The following PDIA3 variants were observed in gnomAD, a reference collection of about 807,000 sequenced individuals.
The protein encoded by PDIA3 is protein disulfide-isomerase A3.
In PDIA3, 16 loss-of-function variants were observed where a neutral mutation model predicts 56.9. The ratio of observed to expected loss-of-function variants is 0.28; its 90% confidence interval spans 0.19 to 0.43. The LOEUF is 0.43. PDIA3 is among the 20% of genes least tolerant of loss of function. The pLI is 1.00. For missense variants in PDIA3, 485 were observed against 621.3 expected (o/e 0.78, Z 2.33); for synonymous variants, 192 against 216.5 (o/e 0.89, Z 0.99).
chr15:43,757,933 A>G (rs2086790280), intron 3 of PDIA3, among the ~76,000 whole-genome samples: 1 of 150,584 alleles, frequency 6.6e-6, no homozygotes, highest in South Asian at 2.1e-4. Context: ...TAGGATGGCT[A>G]CTATTTAAAA....
chr15:43,755,684 C>T (rs1315399759), intron 2 of PDIA3, among the ~76,000 whole-genome samples: 5 of 152,102 alleles, frequency 3.3e-5, no homozygotes, highest in African/African-American at 7.2e-5. Context: ...GAGGCCAAGG[C>T]GGGTGGATCT....
At chr15:43,760,785 C>T (rs1467011085) in intron 3 of PDIA3, among the ~76,000 whole-genome samples, 5 of 151,310 alleles carry the variant, frequency 3.3e-5, no homozygotes, top group Admixed American at 1.3e-4. Flanking sequence ...CCCGCCTCGG[C>T]CTCCCAAAGT....
At chr15:43,748,243 C>T (rs1345245049) in intron 1 of PDIA3, among the ~76,000 whole-genome samples, 1 of 152,190 alleles carries the variant, frequency 6.6e-6, no homozygotes, top group East Asian at 1.9e-4. Context: ...TTTGGGAGGC[C>T]GAGGCAGGCG....
In PDIA3 at chr15:43,765,537, C is replaced by G. The variant is rs200333214; in HGVS notation, c.690C>G (p.Gly230=). The change falls in exon 6 of 13, where the codon GGC becomes GGG. Residue 230 remains glycine, a synonymous_variant. Transcript: ENST00000300289. ...ATACAGAGCAAAAAATGACCAGTGGCAAAATTAAAAAGTTTATCCAGGAAA... is the reference window on the plus strand; with the variant it reads ...ATACAGAGCAAAAAATGACCAGTGGGAAAATTAAAAAGTTTATCCAGGAAA... ...VAYTEQKMTS[G]KIKKFIQENI... 25 of 1,605,546 alleles carry G rather than the reference C, an allele frequency of 1.6e-5. No homozygotes were observed. In the African/African-American group the frequency reaches 3.1e-4, roughly 20 times the overall value.
intron 3 of PDIA3, among the ~76,000 whole-genome samples, chr15:43,757,275 G>A (rs889969510): frequency 3.3e-5 from 5 of 152,064 alleles, no homozygotes; most frequent in Admixed American, 2.0e-4. Context: ...AGTTTGGGCC[G>A]GGGCCGGGTG....
intron 2 of PDIA3, among the ~76,000 whole-genome samples, chr15:43,754,752 G>T (rs1378580804): frequency 6.6e-6 from 1 of 151,694 alleles, no homozygotes; most frequent in Non-Finnish European, 1.5e-5. Flanking sequence ...ACTTTGGGAG[G>T]CCAAGGCAAG....
chr15:43,746,770 G>T (rs1164498392), intron 1 of PDIA3, 64 bp downstream of exon 1: 3 of 1,557,952 alleles, frequency 1.9e-6, no homozygotes, highest in Admixed American at 3.4e-5. Flanking sequence ...AGAGCGCGGG[G>T]AACTGTTGGG....
chr15:43,752,824 C>T (rs958974884), intron 1 of PDIA3: 17 of 471,000 alleles, frequency 3.6e-5, no homozygotes, highest in South Asian at 2.0e-4. Flanking sequence ...ACCTTCTCAA[C>T]GTGATCCCTC....
chr15:43,748,651 C>A (rs537397391), intron 1 of PDIA3, among the ~76,000 whole-genome samples: 1 of 152,298 alleles, frequency 6.6e-6, no homozygotes, highest in Non-Finnish European at 1.5e-5. Flanking sequence ...AAAAGTCATC[C>A]TCCACAATTT....
chr15:43,754,299 CAGG>C (rs1219196532), intron 2 of PDIA3, among the ~76,000 whole-genome samples: 2 of 148,020 alleles, frequency 1.4e-5, no homozygotes, highest in Non-Finnish European at 3.0e-5. Context: ...GAGACTGAGG[CAGG>C]AGAATTGCTT....
intron 8 of PDIA3, among the ~76,000 whole-genome samples, chr15:43,767,636 G>C: frequency 6.6e-6 from 1 of 151,558 alleles, no homozygotes; most frequent in Non-Finnish European, 1.5e-5. Context: ...CGGGTGTGAC[G>C]GTGCGCACCT....
intron 7 of PDIA3, 70 bp downstream of exon 7, chr15:43,766,082 T>A: frequency 7.5e-7 from 1 of 1,337,248 alleles, no homozygotes; most frequent in South Asian, 1.4e-5. Context: ...TCTAACTATC[T>A]TGTTGGTTCC....
chr15:43,756,979 C>G (rs116408866), intron 3 of PDIA3, among the ~76,000 whole-genome samples: 1 of 152,072 alleles, frequency 6.6e-6, no homozygotes, highest in African/African-American at 2.4e-5. Context: ...AAGGTCAGCT[C>G]GACATTTTTT....
intron 2 of PDIA3, 49 bp downstream of exon 2, chr15:43,753,951 G>T: frequency 7.9e-7 from 1 of 1,266,432 alleles, no homozygotes; most frequent in Non-Finnish European, 1.2e-6. Flanking sequence ...ATTTTAAAAA[G>T]TAGTTTGTTG....
At chr15:43,763,518 G>T (rs550605353) in intron 5 of PDIA3, among the ~76,000 whole-genome samples, 2 of 152,182 alleles carry the variant, frequency 1.3e-5, no homozygotes, top group Non-Finnish European at 2.9e-5. Flanking sequence ...CTCCCAAAGT[G>T]CTGAGATTAC....
chr15:43,757,172 G>A (rs1318767092), intron 3 of PDIA3, among the ~76,000 whole-genome samples: 6 of 152,184 alleles, frequency 3.9e-5, no homozygotes, highest in African/African-American at 1.2e-4. Flanking sequence ...GCAGTGGCAC[G>A]TACCTATAGT....
At chr15:43,759,428 A>G (rs1284978382) in intron 3 of PDIA3, among the ~76,000 whole-genome samples, 2 of 152,156 alleles carry the variant, frequency 1.3e-5, no homozygotes, top group Non-Finnish European at 2.9e-5. Context: ...GAAACAACCT[A>G]TAACAAAACT....
At chr15:43,752,743 A>T in intron 1 of PDIA3, 1 of 469,360 alleles carries the variant, frequency 2.1e-6, no homozygotes, top group Non-Finnish European at 4.4e-6. Context: ...TTGACTATTG[A>T]AATATATCTG....
chr15:43,763,085 G>A lies in PDIA3; in HGVS notation c.481G>A (p.Asp161Asn), dbSNP rs758609290. Reference sequence around the variant, plus strand: ...TAATATTTTCTGTATAGGTTTTTTCGATGATTCATTCAGTGAGGCTCACTC... The same window carrying A: ...TAATATTTTCTGTATAGGTTTTTTCAATGATTCATTCAGTGAGGCTCACTC... ...DKDASIVGFFDDSFSEAHSEF... is the reference protein window; with the variant it reads ...DKDASIVGFFNDSFSEAHSEF... Residue 161 changes from aspartate (D) to asparagine (N), a missense_variant, in exon 5 of 13, where the codon GAT becomes AAT. Asp to Asn is a conservative substitution (Grantham distance 23). Transcript: ENST00000300289. 22 of 1,612,702 alleles carry A rather than the reference G, an allele frequency of 1.4e-5. No individual in the cohort carries two copies. The highest frequency in any genetic ancestry group is 1.1e-4 in the African/African-American group (8 of 74,772).
Sources: allele counts gnomAD v4.1 joint callset (sites outside exome capture counted in the v4.1 genomes callset), GRCh38; gene constraint gnomAD v4.1.1; transcripts MANE v1.5; gene names NCBI Gene and HGNC (gene_info 2026-07-23, HGNC 2026-07-21).